Variants in WDR25 observed in about 807,000 individuals in gnomAD.
The protein encoded by WDR25 is WD repeat-containing protein 25.
WDR25 carries 35 observed loss-of-function variants against 47.7 expected under a neutral mutation model. That is an observed-to-expected ratio of 0.73 (90% CI 0.56 to 0.97). WDR25 has a LOEUF of 0.97. WDR25 is among the 50% of genes least tolerant of loss of function. The pLI is 0.00. For missense variants in WDR25, 634 were observed against 704.7 expected (o/e 0.90, Z 1.14); for synonymous variants, 248 against 278.9 (o/e 0.89, Z 1.10).
intron 1 of WDR25, among the ~76,000 whole-genome samples, chr14:100,377,270 G>T (rs1002986273): frequency 6.9e-6 from 1 of 145,632 alleles, no homozygotes; most frequent in African/African-American, 2.6e-5. Flanking sequence ...CATTGGAGAT[G>T]AGCTGGCTGG....
At chr14:100,395,260 G>A (rs552206707) in intron 2 of WDR25, among the ~76,000 whole-genome samples, 1 of 152,312 alleles carries the variant, frequency 6.6e-6, no homozygotes, top group East Asian at 1.9e-4. Context: ...TGTGCTTTCT[G>A]TGTGGCTTAG....
rs377210747 is a variant in WDR25 at position 100,446,811 on chromosome 14, G to A, written c.823-21210G>A. 5.3e-5 allele frequency among the ~76,000 whole-genome samples: 8 copies of A among 152,238 alleles called. No individual in the cohort carries two copies. In the South Asian group the frequency reaches 8.3e-4, roughly 16 times the overall value. On this transcript the variant is annotated intron_variant, in intron 2 of 6. Transcript: ENST00000402312. ...GCTGGTCACTCCTGGCTCTGTGGGC[G>A]TGGTTATGTCCTAACCCTGTGAGTT...
intron 3 of WDR25, among the ~76,000 whole-genome samples, chr14:100,472,869 G>A (rs1899890810): frequency 6.6e-6 from 1 of 152,226 alleles, no homozygotes; most frequent in Non-Finnish European, 1.5e-5. Flanking sequence ...ACTCATGGCT[G>A]CAGGAGGCCT....
intron 2 of WDR25, among the ~76,000 whole-genome samples, chr14:100,456,576 G>A (rs1440033601): frequency 6.6e-6 from 1 of 152,168 alleles, no homozygotes; most frequent in African/African-American, 2.4e-5. Context: ...ATCCAAACTG[G>A]ACTTCTAGAG....
intron 3 of WDR25, among the ~76,000 whole-genome samples, chr14:100,476,087 C>T (rs1595127714): frequency 6.6e-6 from 1 of 152,322 alleles, no homozygotes; most frequent in African/African-American, 2.4e-5. Context: ...TTGTCTGGGG[C>T]TTAGCTCTCC....
rs1264258317 is a variant in WDR25 at position 100,500,199 on chromosome 14, C to A, written c.1101+16075C>A. On this transcript the variant is annotated intron_variant, in intron 4 of 6. Coordinates refer to ENST00000402312, the MANE Select transcript of WDR25 (RefSeq NM_001161476.3). This position sits in a 1 kb window ranked among gnomAD's most constrained non-coding sequence, Gnocchi z 4.7. ...CTCCCTCCTAGTGCATTGTGTGTGC[C>A]CCTGGTGTGGACACTGGAGGGGCCC... Among the ~76,000 whole-genome samples, 1 of 152,070 alleles carries A rather than the reference C, an allele frequency of 6.6e-6. No homozygotes were observed. Among genetic ancestry groups the A allele is most frequent in the Non-Finnish European group, 1.5e-5 (1 of 68,018 alleles).
At position 100,424,618 on chromosome 14, in the gene WDR25, G is replaced by A. The variant is rs566005938; in HGVS notation, c.822+42872G>A. Among the ~76,000 whole-genome samples, 6 of 152,200 alleles carry A rather than the reference G, an allele frequency of 3.9e-5. No homozygotes were observed. The highest frequency in any genetic ancestry group is 3.9e-4 in the East Asian group (2 of 5,188). On this transcript the variant is annotated intron_variant, in intron 2 of 6. Transcript: ENST00000402312. This position sits in a 1 kb window ranked among gnomAD's most constrained non-coding sequence, Gnocchi z 4.2. The stretch of plus-strand genomic sequence containing the variant: ...GCCCTGCTGCCTGTCCAGTGTTTGC[G>A]TGGGAATGTCTTGGGCCTGGGGATG...
chr14:100,421,180 C>G (rs150706774), intron 2 of WDR25, among the ~76,000 whole-genome samples: 1 of 152,264 alleles, frequency 6.6e-6, no homozygotes, highest in Non-Finnish European at 1.5e-5. Flanking sequence ...GGAAAGAGCT[C>G]CTCTTTCTTA....
chr14:100,456,990 C>T lies in WDR25; in HGVS notation c.823-11031C>T, dbSNP rs1032216724. Among the ~76,000 whole-genome samples, 8 of 152,214 alleles carry T rather than the reference C, an allele frequency of 5.3e-5. No individual in the cohort carries two copies. In the East Asian group the frequency reaches 1.4e-3, roughly 26 times the overall value. On this transcript the variant is annotated intron_variant, in intron 2 of 6. Coordinates refer to ENST00000402312, the MANE Select transcript of WDR25 (RefSeq NM_001161476.3). ...TCTTTTTTTTTGAGACGGAGTCGCA[C>T]TCTGTCTCCCAGGCTGAAATGCAGT...
rs1423910852 is a variant in WDR25, at chr14:100,430,990, A to G, written c.823-37031A>G. Reference sequence around the variant, plus strand: ...GGCTTCTATGTGGCCGGCCTTCAGTAGGTGTTTCCTGAGTGAGTCGATGGA... The same window carrying G: ...GGCTTCTATGTGGCCGGCCTTCAGTGGGTGTTTCCTGAGTGAGTCGATGGA... On this transcript the variant is annotated intron_variant, in intron 2 of 6. Transcript: ENST00000402312. This position sits in a 1 kb window ranked among gnomAD's most constrained non-coding sequence, Gnocchi z 4.7. Among the ~76,000 whole-genome samples the G allele has an allele frequency of 6.6e-6, 1 of 152,146 alleles. No homozygotes were observed.
At chr14:100,459,952 A>C (rs112712121) in intron 2 of WDR25, among the ~76,000 whole-genome samples, 1 of 136,282 alleles carries the variant, frequency 7.3e-6, no homozygotes, top group African/African-American at 2.7e-5. Context: ...ACATACACAT[A>C]CACACACATA....
At position 100,378,696 on chromosome 14, in the gene WDR25, C is replaced by T. The variant is rs1189960699; in HGVS notation, c.-16+2201C>T. 4.7e-5 allele frequency among the ~76,000 whole-genome samples: 4 copies of T among 84,850 alleles called. 1 individual carries two copies. The highest frequency in any genetic ancestry group is 9.6e-5 in the African/African-American group (3 of 31,206). 55.7% of individuals were successfully genotyped at this position (84,850 alleles called of 152,430 possible). On this transcript the variant is annotated intron_variant, in intron 1 of 6. Coordinates refer to ENST00000402312, the MANE Select transcript of WDR25 (RefSeq NM_001161476.3). ...CAGGCAGGCCGGGCGCGGTGGCTCA[C>T]GCCTGTAATCCCAGCACTTTGGGAG...
At chr14:100,429,975 A>G (rs1468685373) in intron 2 of WDR25, among the ~76,000 whole-genome samples, 1 of 152,148 alleles carries the variant, frequency 6.6e-6, no homozygotes, top group Admixed American at 6.5e-5. Context: ...CTGGGGAGTT[A>G]GGGCTTCAAC....
At chr14:100,376,789 C>A (rs185496021) in intron 1 of WDR25, 3 of 1,195,978 alleles carry the variant, frequency 2.5e-6, no homozygotes, top group Non-Finnish European at 3.1e-6. Flanking sequence ...ACACCAGACC[C>A]AGCATAGGGC....
chr14:100,426,686 C>T (rs1293888046), intron 2 of WDR25, among the ~76,000 whole-genome samples: 1 of 152,182 alleles, frequency 6.6e-6, no homozygotes, highest in Non-Finnish European at 1.5e-5. Context: ...GTTTCCTGGT[C>T]CCAGAGTCCG....
intron 2 of WDR25, among the ~76,000 whole-genome samples, chr14:100,395,972 G>GTTTTTTTTTTTTTT (rs575737706): frequency 8.5e-6 from 1 of 117,254 alleles, no homozygotes; most frequent in Non-Finnish European, 1.8e-5. Context: ...TCTGTGAAAT[G>GTTTTTTTTTTTTTT]TTTTTTTTTT....
At position 100,381,172 on chromosome 14, in the gene WDR25, T is replaced by C. The variant is rs752918157; in HGVS notation, c.248T>C (p.Leu83Pro). Reference sequence around the variant, plus strand: ...GGCTATCGCCTTCCATTGGCTCAGCTTGGGAGAAGCGATTGGGGATCTTGC... The same window carrying C: ...GGCTATCGCCTTCCATTGGCTCAGCCTGGGAGAAGCGATTGGGGATCTTGC... ...PGGYRLPLAQ[L>P]GRSDWGSCPS... is the part of the protein sequence containing the mutation. The change falls in exon 2 of 7, where the codon CTT becomes CCT. Residue 83 changes from leucine (L) to proline (P), a missense_variant. Transcript: ENST00000402312. 5.6e-6 allele frequency: 9 copies of C among 1,614,186 alleles called. No individual in the cohort carries two copies. The highest frequency in any genetic ancestry group is 7.6e-6 in the Non-Finnish European group (9 of 1,180,034).
intron 2 of WDR25, among the ~76,000 whole-genome samples, chr14:100,459,959 C>CAT (rs1899348750): frequency 7.4e-6 from 1 of 135,054 alleles, no homozygotes; most frequent in African/African-American, 2.7e-5. Flanking sequence ...CATACACACA[C>CAT]ATATACACAC....
At position 100,424,350 on chromosome 14, in the gene WDR25, T is replaced by G. The variant is rs1003161569; in HGVS notation, c.822+42604T>G. 6.6e-6 allele frequency among the ~76,000 whole-genome samples: 1 copy of G among 152,234 alleles called. No homozygotes were observed. Among genetic ancestry groups the G allele is most frequent in the Non-Finnish European group, 1.5e-5 (1 of 68,046 alleles). On this transcript the variant is annotated intron_variant, in intron 2 of 6. Transcript: ENST00000402312. This position sits in a 1 kb window ranked among gnomAD's most constrained non-coding sequence, Gnocchi z 4.2. ...ACAGACTGTTCACAGCCTCACAGTT[T>G]GCATCCCGTGTAAACAAACATCAGC... is the stretch of plus-strand genomic sequence containing the variant.
Sources: gnomAD v4.1 joint callset for allele counts (sites outside exome capture counted in the v4.1 genomes callset) on GRCh38, gnomAD v4.1.1 for gene constraint, Gnocchi (gnomAD v3.1) non-coding constraint, MANE v1.5 for transcripts, NCBI Gene and HGNC (gene_info 2026-07-23, HGNC 2026-07-21) for gene names.